The following TRIM48 variants were observed in gnomAD, a reference collection of about 807,000 sequenced individuals.
The protein encoded by TRIM48 is tripartite motif containing 48.
In TRIM48, 31 loss-of-function variants were observed where a neutral mutation model predicts 29.5. The observed-to-expected ratio is 1.05, with a 90% CI of 0.79 to 1.42. The LOEUF is 1.42. Among genes scored for constraint, TRIM48 ranks in the 40% most tolerant of loss-of-function variants. The probability of loss-of-function intolerance (pLI) is 0.00; values close to 1 mark genes in which losing one functional copy is unlikely to be tolerated. For missense variants in TRIM48, 344 were observed against 265.0 expected (o/e 1.30, Z -2.07); for synonymous variants, 128 against 90.6 (o/e 1.41, Z -2.34).
At chr11:55,263,523 G>A (rs1857337884) in intron 1 of TRIM48, among the ~76,000 whole-genome samples, 1 of 151,920 alleles carries the variant, frequency 6.6e-6, no homozygotes, top group Non-Finnish European at 1.5e-5. Flanking sequence ...TTTGCCGGGT[G>A]TAGTGGCATG....
Position 55,265,296 on chromosome 11 carries a change from G to A in TRIM48, c.441G>A (p.Trp147Ter), listed in dbSNP as rs758475488. The change falls in exon 2 of 6, where the codon TGG (tryptophan) becomes TGA (stop). Residue 147 changes from tryptophan (W) to a stop codon, truncating the protein, a stop_gained. Transcript: ENST00000417545. LOFTEE classifies it high-confidence loss of function. The part of the protein sequence containing the change: ...HRYHRHCPAE[W>*]AAEEHWEKLL... ...ATCACAGACACTGTCCCGCTGAGTG[G>A]GCTGCTGAGGAACACTGGGTAAGTG... The A allele has an allele frequency of 2.5e-6, 4 of 1,582,062 alleles. No individual in the cohort carries two copies. The African/African-American group carries it at 5.4e-5, about 22-fold the overall frequency.
At chr11:55,262,887 A>C (rs892125582) in intron 1 of TRIM48, among the ~76,000 whole-genome samples, 2 of 152,174 alleles carry the variant, frequency 1.3e-5, no homozygotes, top group African/African-American at 4.8e-5. Flanking sequence ...AAACTATGAA[A>C]AATTCCTTAC....
chr11:55,268,237 G>C (rs1245177358), intron 3 of TRIM48, 113 bp from the exon 4 acceptor site: 9 of 981,618 alleles, frequency 9.2e-6, no homozygotes, highest in East Asian at 6.0e-5. Flanking sequence ...TTGCAGAAGA[G>C]AAGAAGGTAG....
chr11:55,269,895 A>T (rs1420882797), intron 5 of TRIM48, among the ~76,000 whole-genome samples: 1 of 148,114 alleles, frequency 6.8e-6, no homozygotes. Context: ...CTACATGTTA[A>T]GTCTAAAATC....
intron 1 of TRIM48, 131 bp downstream of exon 1, chr11:55,262,442 A>AT: frequency 1.4e-6 from 1 of 709,326 alleles, no homozygotes; most frequent in Non-Finnish European, 2.4e-6. Flanking sequence ...CTTACTATAG[A>AT]TTTTATGAAT....
At chr11:55,263,608 G>C (rs113294578) in intron 1 of TRIM48, among the ~76,000 whole-genome samples, 1 of 152,140 alleles carries the variant, frequency 6.6e-6, no homozygotes, top group African/African-American at 2.4e-5. Context: ...GTTGCAGTGA[G>C]CCGAGATTGC....
rs1857476058 is a variant in TRIM48 at position 55,270,925 on chromosome 11, A to G, written c.*490A>G. The G allele has an allele frequency of 2.6e-6, 4 of 1,556,468 alleles. No homozygotes were observed. The highest frequency in any genetic ancestry group is 1.4e-5 in the African/African-American group (1 of 72,688). On this transcript the variant is annotated 3_prime_UTR_variant, in exon 6 of 6. Coordinates refer to ENST00000417545, the MANE Select transcript of TRIM48 (RefSeq NM_024114.5). ...TCCTCTCAGACCTATCTTTTTCTGT[A>G]TTCTCCTCTGACCAGAGACAAATCA...
rs1287233885 is a variant in TRIM48 at position 55,269,073 on chromosome 11, A to G, written c.579-169A>G. Among the ~76,000 whole-genome samples, 2 of 148,780 alleles carry G rather than the reference A, an allele frequency of 1.3e-5. 1 individual carries two copies. The highest frequency in any genetic ancestry group is 3.0e-5 in the Non-Finnish European group (2 of 67,156). Reference sequence around the variant, plus strand: ...GACTCAGACTCTCCCACTATGCTTTAAAATTTGGAAACTGTAAATAGAAAT... The same window carrying G: ...GACTCAGACTCTCCCACTATGCTTTGAAATTTGGAAACTGTAAATAGAAAT... On this transcript the variant is annotated intron_variant, in intron 4 of 5. Coordinates refer to ENST00000417545, the MANE Select transcript of TRIM48 (RefSeq NM_024114.5).
rs772031761 is a variant in TRIM48, at chr11:55,262,310, C to T, written c.43C>T (p.Arg15Ter). 48 of 1,545,398 alleles carry T rather than the reference C, an allele frequency of 3.1e-5. No homozygotes were observed. In the Middle Eastern group the frequency reaches 6.9e-4, roughly 22 times the overall value. Residue 15 changes from arginine (R) to a stop codon, truncating the protein, a stop_gained and splice_region_variant, in exon 1 of 6, where the codon CGA (arginine) becomes TGA (stop). Coordinates refer to ENST00000417545, the MANE Select transcript of TRIM48 (RefSeq NM_024114.5). LOFTEE classifies it high-confidence loss of function. ...TGTGGGAACCCTTCAAAGAACCCAG[C>T]GGTGAGTGAAACTTATATTGATAAA... ...IIVGTLQRTQ[R>*]NMNSGISQVF...
At chr11:55,270,014 C>T (rs1377191315) in intron 5 of TRIM48, among the ~76,000 whole-genome samples, 1 of 147,722 alleles carries the variant, frequency 6.8e-6, no homozygotes, top group African/African-American at 2.5e-5. Context: ...GATTTTTATC[C>T]AGTTATCTAG....
intron 2 of TRIM48, 70 bp from the exon 3 acceptor site, chr11:55,265,530 C>T (rs1378017435): frequency 3.3e-6 from 5 of 1,535,400 alleles, no homozygotes; most frequent in Non-Finnish European, 4.4e-6. Context: ...TCTGGGCCCC[C>T]TCCCAATGAA....
Position 55,268,348 on chromosome 11 carries a change from A to C in TRIM48, c.556-2A>C. ...AAATCTTTCTATTTTTTTTTTTTAC[A>C]GGCTTTTGGAGACATATTATACAGG... On this transcript the variant is annotated splice_acceptor_variant, in intron 3 of 5. Coordinates refer to ENST00000417545, the MANE Select transcript of TRIM48 (RefSeq NM_024114.5). LOFTEE classifies it high-confidence loss of function. 6.5e-7 allele frequency: 1 copy of C among 1,541,182 alleles called. No individual in the cohort carries two copies. The highest frequency in any genetic ancestry group is 8.8e-7 in the Non-Finnish European group (1 of 1,134,208).
At chr11:55,262,980 TAAAGG>T (rs1857327067) in intron 1 of TRIM48, among the ~76,000 whole-genome samples, 1 of 152,010 alleles carries the variant, frequency 6.6e-6, no homozygotes, top group Non-Finnish European at 1.5e-5. Flanking sequence ...CGTTATCAAA[TAAAGG>T]AGAGTAACGA....
rs1857479402 is a variant in TRIM48 at position 55,271,057 on chromosome 11, C to CACACCA, written c.*622_*623insACACCA. The CACACCA allele has an allele frequency of 8.0e-7, 1 of 1,257,746 alleles. No individual in the cohort carries two copies. Among genetic ancestry groups the CACACCA allele is most frequent in the African/African-American group, 1.7e-5 (1 of 59,224 alleles). The allele number at this position is 1,257,746 out of a possible 1,614,324, so 77.9% of individuals were successfully genotyped here. ...TCGGTTTTATGTCTTGAATTGCATT[C>CACACCA]TAATGTTATTAAAACTCATTTATTG... is the stretch of plus-strand genomic sequence containing the variant. On this transcript the variant is annotated 3_prime_UTR_variant, in exon 6 of 6. Coordinates refer to ENST00000417545, the MANE Select transcript of TRIM48 (RefSeq NM_024114.5).
Position 55,269,018 on chromosome 11 carries a change from C to A in TRIM48, c.579-224C>A, listed in dbSNP as rs546572204. Among the ~76,000 whole-genome samples the A allele has an allele frequency of 1.9e-4, 28 of 147,918 alleles. 2 individuals carry two copies. Among genetic ancestry groups the A allele is most frequent in the Non-Finnish European group, 7.5e-5 (5 of 66,916 alleles). ...GCTAAGGAACTTTACACATTTGGGG[C>A]AAAAAATAAGAAACATCAGACTGAA... On this transcript the variant is annotated intron_variant, in intron 4 of 5. Coordinates refer to ENST00000417545, the MANE Select transcript of TRIM48 (RefSeq NM_024114.5).
Position 55,270,651 on chromosome 11 carries a change from T to A in TRIM48, c.*216T>A. Reference sequence around the variant, plus strand: ...CTTGGAATTGGGCTTTTGGTGTCTGTAATAAGTATTGGAAAGGGAAGAATC... The same window carrying A: ...CTTGGAATTGGGCTTTTGGTGTCTGAAATAAGTATTGGAAAGGGAAGAATC... On this transcript the variant is annotated 3_prime_UTR_variant, in exon 6 of 6. Transcript: ENST00000417545. 1.3e-6 allele frequency: 2 copies of A among 1,579,266 alleles called. No individual in the cohort carries two copies. Among genetic ancestry groups the A allele is most frequent in the Non-Finnish European group, 1.7e-6 (2 of 1,162,120 alleles).
rs573645170 is a variant in TRIM48, at chr11:55,264,920, C to T, written c.65C>T (p.Ser22Leu). 232 of 1,583,474 alleles carry T rather than the reference C, an allele frequency of 1.5e-4. 31 individuals carry two copies. The highest frequency in any genetic ancestry group is 9.9e-5 in the Non-Finnish European group (116 of 1,166,112). The part of the protein sequence containing the change: ...RTQRNMNSGI[S>L]QVFQRELTCP... ...CTCAGAAACATGAATTCTGGAATCTCGCAAGTCTTCCAGAGGGAACTCACC... is the reference window on the plus strand; with the variant it reads ...CTCAGAAACATGAATTCTGGAATCTTGCAAGTCTTCCAGAGGGAACTCACC... Residue 22 changes from serine to leucine, a missense_variant, in exon 2 of 6, where the codon TCG becomes TTG. By Grantham distance (145) the Ser-to-Leu change is moderately radical (BLOSUM62 -2). Coordinates refer to ENST00000417545, the MANE Select transcript of TRIM48 (RefSeq NM_024114.5).
chr11:55,267,367 T>C, intron 3 of TRIM48: 1 of 1,533,722 alleles, frequency 6.5e-7, no homozygotes, highest in Non-Finnish European at 8.9e-7. Flanking sequence ...AGGAGATGGA[T>C]ATATACATTT....
At chr11:55,264,001 G>C (rs191924904) in intron 1 of TRIM48, among the ~76,000 whole-genome samples, 97 of 152,100 alleles carry the variant, frequency 6.4e-4, no homozygotes, top group Non-Finnish European at 1.2e-3. Context: ...CAACTCACAT[G>C]TCTCTCTCCT....
Sources: allele counts gnomAD v4.1 joint callset (sites outside exome capture counted in the v4.1 genomes callset), GRCh38; gene constraint gnomAD v4.1.1; transcripts MANE v1.5; gene names NCBI Gene and HGNC (gene_info 2026-07-23, HGNC 2026-07-21).